MOSMO: variants seen among roughly 807,000 people sequenced by gnomAD.
MOSMO encodes the protein modulator of smoothened.
MOSMO carries 5 observed loss-of-function variants against 18.4 expected under a neutral mutation model. The ratio of observed to expected loss-of-function variants is 0.27; its 90% confidence interval spans 0.14 to 0.57. MOSMO has a LOEUF of 0.57. MOSMO is among the 20% of genes least tolerant of loss of function. MOSMO has a pLI of 0.92. For synonymous variants in MOSMO, 82 were observed against 82.3 expected (o/e 1.00, Z 0.02); for missense variants, 138 against 211.8 (o/e 0.65, Z 2.16).
At chr16:22,062,883 T>G (rs1567512080) in intron 1 of MOSMO, among the ~76,000 whole-genome samples, 1 of 152,092 alleles carries the variant, frequency 6.6e-6, no homozygotes, top group African/African-American at 2.4e-5. Flanking sequence ...GATGAAGTCT[T>G]TCTCTGTCGC....
chr16:22,075,011 A>G (rs1052274132), intron 1 of MOSMO, among the ~76,000 whole-genome samples: 2 of 152,204 alleles, frequency 1.3e-5, no homozygotes, highest in Admixed American at 6.5e-5. Context: ...CTATATTACA[A>G]TTAGGCATAT....
intron 1 of MOSMO, among the ~76,000 whole-genome samples, chr16:22,067,412 T>A (rs972551612): frequency 6.6e-6 from 1 of 152,144 alleles, no homozygotes; most frequent in African/African-American, 2.4e-5. Context: ...TTCAGAAACA[T>A]CATAGTTGAA....
At chr16:22,051,641 A>G (rs1022978693) in intron 1 of MOSMO, among the ~76,000 whole-genome samples, 1 of 152,182 alleles carries the variant, frequency 6.6e-6, no homozygotes, top group South Asian at 2.1e-4. Flanking sequence ...TATATTAATA[A>G]TAAATCAATA....
chr16:22,030,288 C>G (rs1899966849), intron 1 of MOSMO, among the ~76,000 whole-genome samples: 1 of 152,122 alleles, frequency 6.6e-6, no homozygotes, highest in Non-Finnish European at 1.5e-5. Flanking sequence ...TATCATACAT[C>G]ACTGTAGAAA....
intron 1 of MOSMO, among the ~76,000 whole-genome samples, chr16:22,010,948 A>G (rs936187760): frequency 2.0e-5 from 3 of 151,372 alleles, no homozygotes; most frequent in African/African-American, 7.3e-5. Context: ...AAAAAAAAAA[A>G]GGGCAAGCTC....
intron 1 of MOSMO, among the ~76,000 whole-genome samples, chr16:22,056,501 G>C (rs1170335312): frequency 6.7e-6 from 1 of 149,638 alleles, no homozygotes. Context: ...CTCCTGAGTA[G>C]CTGGGATTAC....
intron 1 of MOSMO, among the ~76,000 whole-genome samples, chr16:22,038,603 T>C (rs892036325): frequency 2.0e-5 from 3 of 152,142 alleles, no homozygotes; most frequent in Non-Finnish European, 2.9e-5. Context: ...CTGTGACTTA[T>C]AGAGATAACA....
At chr16:22,023,912 A>G (rs1485896984) in intron 1 of MOSMO, among the ~76,000 whole-genome samples, 1 of 151,110 alleles carries the variant, frequency 6.6e-6, no homozygotes, top group Non-Finnish European at 1.5e-5. Context: ...TTTCTCTTGT[A>G]TAGATTCAAG....
chr16:22,052,986 ACT>A (rs1456678451), intron 1 of MOSMO, among the ~76,000 whole-genome samples: 2 of 128,348 alleles, frequency 1.6e-5, no homozygotes, highest in African/African-American at 6.0e-5. Flanking sequence ...ACGGAGTCTC[ACT>A]CTGTTGCCCA....
chr16:22,083,927 T>G lies in MOSMO; in HGVS notation c.*3047T>G. On this transcript the variant is annotated 3_prime_UTR_variant, in exon 3 of 3. Coordinates refer to ENST00000542527, the MANE Select transcript of MOSMO (RefSeq NM_001164579.2). ...GTAATTTTTCTGACTCTTCCACCTC[T>G]TATAAACCTATTTTCTGTTTCATTT... The G allele has an allele frequency of 3.4e-6, 1 of 291,478 alleles. No individual in the cohort carries two copies. The highest frequency in any genetic ancestry group is 6.6e-6 in the Non-Finnish European group (1 of 151,910). The allele number at this position is 291,478 out of a possible 1,614,324, so 18.1% of individuals were successfully genotyped here.
chr16:22,049,001 T>C (rs1900370829), intron 1 of MOSMO, among the ~76,000 whole-genome samples: 2 of 152,162 alleles, frequency 1.3e-5, no homozygotes, highest in Non-Finnish European at 2.9e-5. Context: ...GTATTCTAAA[T>C]TCCTATATAT....
At chr16:22,018,135 C>T (rs1160739958) in intron 1 of MOSMO, among the ~76,000 whole-genome samples, 1 of 151,932 alleles carries the variant, frequency 6.6e-6, no homozygotes, top group East Asian at 1.9e-4. Flanking sequence ...TGACACTTGC[C>T]GTTGTATATA....
chr16:22,024,020 C>G (rs1396229500), intron 1 of MOSMO, among the ~76,000 whole-genome samples: 1 of 81,938 alleles, frequency 1.2e-5, no homozygotes. Context: ...TATATATTTT[C>G]TTAAGAAACT....
intron 1 of MOSMO, among the ~76,000 whole-genome samples, chr16:22,058,797 G>T (rs1370716055): frequency 6.6e-6 from 1 of 152,188 alleles, no homozygotes; most frequent in East Asian, 1.9e-4. Context: ...GCAATAAGCA[G>T]GAATCTGGAG....
chr16:22,032,778 C>T (rs1900022342), intron 1 of MOSMO, among the ~76,000 whole-genome samples: 1 of 152,078 alleles, frequency 6.6e-6, no homozygotes, highest in Admixed American at 6.5e-5. Context: ...GAACTCATGG[C>T]CTCAAGCAGT....
chr16:22,028,368 G>GTTT (rs75815099), intron 1 of MOSMO, among the ~76,000 whole-genome samples: 1 of 145,934 alleles, frequency 6.9e-6, no homozygotes, highest in Non-Finnish European at 1.5e-5. Flanking sequence ...TCTTTTTTAT[G>GTTT]TTTTTTTTTT....
chr16:22,028,928 A>G (rs1958719164), intron 1 of MOSMO, among the ~76,000 whole-genome samples: 1 of 152,028 alleles, frequency 6.6e-6, no homozygotes, highest in Non-Finnish European at 1.5e-5. Flanking sequence ...CTGGAGTACA[A>G]TGGTGCAGTC....
At chr16:22,066,594 A>AC (rs1297681953) in intron 1 of MOSMO, among the ~76,000 whole-genome samples, 1 of 152,098 alleles carries the variant, frequency 6.6e-6, no homozygotes, top group Admixed American at 6.6e-5. Flanking sequence ...ACAGAGAGAG[A>AC]CCCCCTCAGC....
At chr16:22,064,255 A>C in intron 1 of MOSMO, 1 of 455,154 alleles carries the variant, frequency 2.2e-6, no homozygotes, top group South Asian at 1.6e-5. Context: ...CTTTTTGTTA[A>C]AATACTTTTA....
Sources: allele counts gnomAD v4.1 joint callset (sites outside exome capture counted in the v4.1 genomes callset), GRCh38; gene constraint gnomAD v4.1.1; transcripts MANE v1.5; gene names NCBI Gene and HGNC (gene_info 2026-07-23, HGNC 2026-07-21).